UBXN2B: variants seen among roughly 807,000 people sequenced by gnomAD.
UBXN2B encodes UBX domain protein 2B, also known as UBX domain-containing protein 2B.
A neutral mutation model predicts 37.5 loss-of-function variants in UBXN2B; 19 were observed. The observed-to-expected ratio is 0.51, with a 90% CI of 0.35 to 0.74. The LOEUF is 0.74. Ranked by LOEUF, UBXN2B falls within the 30% of genes least tolerant of loss-of-function variation. The pLI is 0.01. For missense variants in UBXN2B, 370 were observed against 393.2 expected (o/e 0.94, Z 0.50); for synonymous variants, 145 against 143.8 (o/e 1.01, Z -0.06).
chr8:58,451,006 AC>A lies in UBXN2B; in HGVS notation c.*3457del, dbSNP rs1204388930. 1.3e-5 allele frequency: 2 copies of A among 152,636 alleles called. No individual in the cohort carries two copies. The highest frequency in any genetic ancestry group is 1.3e-4 in the Admixed American group (2 of 15,272). 9.5% of individuals were successfully genotyped at this position (152,636 alleles called of 1,614,324 possible). A position where few individuals can be genotyped will look rare whatever the true frequency, so the allele number is the denominator to read the frequency against. On this transcript the variant is annotated 3_prime_UTR_variant, in exon 8 of 8. Transcript: ENST00000399598. ...CAGCCAGCCCCATTTCAAAAAGATT[AC>A]CAGGGGTAAAACAACTTTTTCATGG...
chr8:58,420,398 G>A (rs1807894832), intron 2 of UBXN2B, among the ~76,000 whole-genome samples: 1 of 152,026 alleles, frequency 6.6e-6, no homozygotes, highest in Admixed American at 6.5e-5. Flanking sequence ...GGGCAAAAAG[G>A]CAATTAAGTG....
At chr8:58,425,669 G>A (rs958575672) in intron 2 of UBXN2B, 54 of 1,168,410 alleles carry the variant, frequency 4.6e-5, no homozygotes, top group Non-Finnish European at 6.0e-5. Context: ...CAGCTAATTT[G>A]CTTAGTTCTC....
At chr8:58,429,466 A>G (rs945251719) in intron 2 of UBXN2B, among the ~76,000 whole-genome samples, 2 of 152,174 alleles carry the variant, frequency 1.3e-5, no homozygotes, top group African/African-American at 4.8e-5. Flanking sequence ...GTACTTCTCC[A>G]GAGCACTGGC....
chr8:58,411,423 AGAG>A lies in UBXN2B; in HGVS notation c.43_45del (p.Arg15del), dbSNP rs1807632729. On this transcript the variant is annotated inframe_deletion, in exon 1 of 8. Transcript: ENST00000399598. ...GGAGGCCCTGAGCCCGGCGAGCAGGAGAGGAGGTCTTCCGGGCCGCGGCCTCCG... is the reference window on the plus strand; with the variant it reads ...GGAGGCCCTGAGCCCGGCGAGCAGGAGAGGTCTTCCGGGCCGCGGCCTCCG... 7.9e-7 allele frequency: 1 copy of A among 1,267,874 alleles called. No individual in the cohort carries two copies. Among genetic ancestry groups the A allele is most frequent in the Non-Finnish European group, 1.0e-6 (1 of 1,001,002 alleles). The allele number at this position is 1,267,874 out of a possible 1,614,324, so 78.5% of individuals were successfully genotyped here.
chr8:58,439,196 C>T (rs1808487191), intron 5 of UBXN2B, among the ~76,000 whole-genome samples: 1 of 152,272 alleles, frequency 6.6e-6, no homozygotes, highest in African/African-American at 2.4e-5. Flanking sequence ...ATTACCCAGC[C>T]TCGGATATTT....
chr8:58,411,436 C>G lies in UBXN2B; in HGVS notation c.51C>G (p.Ser17=), dbSNP rs561921305. 3 of 1,259,614 alleles carry G rather than the reference C, an allele frequency of 2.4e-6. No individual in the cohort carries two copies. In the African/African-American group the frequency reaches 4.6e-5, roughly 19 times the overall value. The allele number at this position is 1,259,614 out of a possible 1,614,324, so 78.0% of individuals were successfully genotyped here. A position where few individuals can be genotyped will look rare whatever the true frequency, so the allele number is the denominator to read the frequency against. The change falls in exon 1 of 8, where the codon TCC becomes TCG. Residue 17 remains serine, a synonymous_variant. Coordinates refer to ENST00000399598, the MANE Select transcript of UBXN2B (RefSeq NM_001077619.2). ...PEPGEQERRS[S]GPRPPSARDL... ...CCGGCGAGCAGGAGAGGAGGTCTTC[C>G]GGGCCGCGGCCTCCGAGCGCGCGGG...
At chr8:58,420,716 G>T (rs1807904088) in intron 2 of UBXN2B, among the ~76,000 whole-genome samples, 1 of 152,120 alleles carries the variant, frequency 6.6e-6, no homozygotes, top group Non-Finnish European at 1.5e-5. Context: ...GTCAAAATTA[G>T]TTTGATATAC....
rs1321087504 is a variant in UBXN2B, at chr8:58,448,148, C to A, written c.*597C>A. 6.6e-6 allele frequency: 1 copy of A among 150,812 alleles called. No homozygotes were observed. Among genetic ancestry groups the A allele is most frequent in the African/African-American group, 2.4e-5 (1 of 40,972 alleles). The allele number at this position is 150,812 out of a possible 1,614,324, so 9.3% of individuals were successfully genotyped here. On this transcript the variant is annotated 3_prime_UTR_variant, in exon 8 of 8. Coordinates refer to ENST00000399598, the MANE Select transcript of UBXN2B (RefSeq NM_001077619.2). ...GAATTATGACTGTTGTGAACTTAAACAGAAACACATAAAGGTCAGCAATTC... is the reference window on the plus strand; with the variant it reads ...GAATTATGACTGTTGTGAACTTAAAAAGAAACACATAAAGGTCAGCAATTC...
chr8:58,447,398 T>A lies in UBXN2B; in HGVS notation c.843T>A (p.Asp281Glu), dbSNP rs1423676264. The part of the protein sequence containing the change: ...QRFNSTHRIL[D>E]VRNFIVQSRP... The stretch of plus-strand genomic sequence containing the variant: ...TGTCTTATTTCTTCAGGATCCTGGA[T>A]GTCCGGAACTTTATTGTACAGTCTC... The change falls in exon 8 of 8, where the codon GAT becomes GAA. Residue 281 changes from aspartate (D) to glutamate (E), a missense_variant. By Grantham distance (45) the Asp-to-Glu change is conservative (BLOSUM62 2). Transcript: ENST00000399598. 1 of 1,590,264 alleles carries A rather than the reference T, an allele frequency of 6.3e-7. No homozygotes were observed. The highest frequency in any genetic ancestry group is 8.6e-7 in the Non-Finnish European group (1 of 1,168,098).
chr8:58,441,948 A>G (rs1808562205), intron 6 of UBXN2B, among the ~76,000 whole-genome samples: 1 of 152,224 alleles, frequency 6.6e-6, no homozygotes, highest in Admixed American at 6.5e-5. Context: ...TTCCTTAGCC[A>G]GGAGAAACAA....
chr8:58,425,500 A>G (rs555282405), intron 2 of UBXN2B: 38 of 1,117,358 alleles, frequency 3.4e-5, no homozygotes, highest in Admixed American at 1.0e-4. Flanking sequence ...ATCGTGTAGG[A>G]CAACCCTGGT....
At chr8:58,440,929 A>T (rs1808522039) in intron 6 of UBXN2B, among the ~76,000 whole-genome samples, 1 of 151,784 alleles carries the variant, frequency 6.6e-6, no homozygotes, top group Non-Finnish European at 1.5e-5. Context: ...CTTTAATTTT[A>T]GGTCACAGGT....
intron 2 of UBXN2B, chr8:58,424,624 G>C: frequency 8.4e-7 from 1 of 1,196,704 alleles, no homozygotes; most frequent in Non-Finnish European, 1.2e-6. Context: ...TCAGGCCCAC[G>C]TTTTCATACA....
At chr8:58,425,118 G>A in intron 2 of UBXN2B, 1 of 805,002 alleles carries the variant, frequency 1.2e-6, no homozygotes, top group South Asian at 1.3e-5. Flanking sequence ...TCCAAAAGTG[G>A]TATTGCCAGA....
At chr8:58,429,108 G>A (rs1808181041) in intron 2 of UBXN2B, among the ~76,000 whole-genome samples, 1 of 152,148 alleles carries the variant, frequency 6.6e-6, no homozygotes, top group South Asian at 2.1e-4. Context: ...TGCTATGACC[G>A]ATTTTTGCGG....
intron 2 of UBXN2B, chr8:58,425,852 A>G (rs1455564150): frequency 8.6e-7 from 1 of 1,159,454 alleles, no homozygotes; most frequent in African/African-American, 1.5e-5. Flanking sequence ...CTGACAGCAA[A>G]TCATAACATG....
At chr8:58,423,112 C>G (rs1039943709) in intron 2 of UBXN2B, among the ~76,000 whole-genome samples, 1 of 151,818 alleles carries the variant, frequency 6.6e-6, no homozygotes, top group Non-Finnish European at 1.5e-5. Flanking sequence ...TCATCATCAT[C>G]ATCATCATCA....
At chr8:58,421,356 T>A (rs924241208) in intron 2 of UBXN2B, among the ~76,000 whole-genome samples, 5 of 151,762 alleles carry the variant, frequency 3.3e-5, no homozygotes, top group Non-Finnish European at 7.4e-5. Flanking sequence ...TTTTTTTTTT[T>A]AAAGCTATTA....
intron 2 of UBXN2B, chr8:58,425,733 G>T: frequency 8.5e-7 from 1 of 1,170,546 alleles, no homozygotes; most frequent in Non-Finnish European, 1.3e-6. Flanking sequence ...GGCTACGTGA[G>T]TTGTAGTACT....
Sources: gnomAD v4.1 joint callset for allele counts (sites outside exome capture counted in the v4.1 genomes callset) on GRCh38, gnomAD v4.1.1 for gene constraint, MANE v1.5 for transcripts, NCBI Gene and HGNC (gene_info 2026-07-23, HGNC 2026-07-21) for gene names.